SLC10A7: variants seen among roughly 807,000 people sequenced by gnomAD.
SLC10A7 encodes solute carrier family 10 member 7.
A neutral mutation model predicts 43.2 loss-of-function variants in SLC10A7; 29 were observed. The observed-to-expected ratio is 0.67, with a 90% confidence interval of 0.50 to 0.92. The LOEUF is 0.92. Ranked by LOEUF, SLC10A7 falls within the 40% of genes least tolerant of loss-of-function variation. The pLI is 0.00. For synonymous variants in SLC10A7, 152 were observed against 144.8 expected, an observed-to-expected ratio of 1.05 and a Z score of -0.35; for missense variants, 295 against 403.2, an observed-to-expected ratio of 0.73 and a Z score of 2.30.
intron 5 of SLC10A7, among the ~76,000 whole-genome samples, chr4:146,404,526 A>C (rs527574213): frequency 6.9e-6 from 1 of 145,338 alleles, no homozygotes; most frequent in East Asian, 2.0e-4. Context: ...GACTGGTTTA[A>C]GATCTTTGTT....
chr4:146,261,752 T>C (rs1359748182), intron 10 of SLC10A7, among the ~76,000 whole-genome samples: 1 of 152,154 alleles, frequency 6.6e-6, no homozygotes, highest in African/African-American at 2.4e-5. Flanking sequence ...CACAAGTGAA[T>C]AATGTTAAAA....
Position 146,463,261 on chromosome 4 carries a change from T to C in SLC10A7, c.397-20440A>G, listed in dbSNP as rs186545737. On this transcript the variant is annotated intron_variant, in intron 4 of 11. Coordinates refer to ENST00000335472, the MANE Select transcript of SLC10A7 (RefSeq NM_001029998.6). ...TTTATAATATATAGACTAACTTGCA[T>C]TGGGAGGAGAAAAACAAAAGTTGTA... Among the ~76,000 whole-genome samples, 233 of 152,220 alleles carry C rather than the reference T, an allele frequency of 1.5e-3. 7 individuals carry two copies. The South Asian group carries it at 0.046, about 30-fold the overall frequency.
At chr4:146,279,139 T>A (rs1403691210) in intron 10 of SLC10A7, among the ~76,000 whole-genome samples, 1 of 152,126 alleles carries the variant, frequency 6.6e-6, no homozygotes, top group Non-Finnish European at 1.5e-5. Context: ...AAATTTGGAG[T>A]CTTGCCATTG....
chr4:146,256,493 A>G lies in SLC10A7; in HGVS notation c.1021T>C (p.Ter341GlnextTer27). The change falls in exon 12 of 12, where the codon TAA (stop) becomes CAA (glutamine). Residue 341 changes from the stop codon to glutamine, a stop_lost. Transcript: ENST00000335472. ...CTACAGAAAGTCCACCTCCTTTGTT[A>G]TACTGTCGGCCTTGTCAGCTTCACT... The part of the protein sequence containing the change: ...KGVKLTRPTV[*>Q] The G allele has an allele frequency of 6.2e-7, 1 of 1,614,076 alleles. No homozygotes were observed. Among genetic ancestry groups the G allele is most frequent in the Non-Finnish European group, 8.5e-7 (1 of 1,179,928 alleles).
rs190705857 is a variant in SLC10A7 at position 146,444,733 on chromosome 4, T to C, written c.397-1912A>G. 6.6e-4 allele frequency among the ~76,000 whole-genome samples: 100 copies of C among 152,276 alleles called. 1 individual carries two copies. In the East Asian group the frequency reaches 0.018, roughly 28 times the overall value. On this transcript the variant is annotated intron_variant, in intron 4 of 11. Transcript: ENST00000335472. ...CTTAGTTGTTTGCCAACAGTGGTGA[T>C]GGATTTGAACTCACTCAGTCAGCTA...
chr4:146,302,295 T>C (rs973575763), intron 7 of SLC10A7, among the ~76,000 whole-genome samples: 2 of 152,218 alleles, frequency 1.3e-5, no homozygotes, highest in East Asian at 1.9e-4. Flanking sequence ...TATGCCTCTA[T>C]ACAACAAAGC....
chr4:146,292,161 A>T (rs747959828), intron 9 of SLC10A7, among the ~76,000 whole-genome samples: 2 of 152,224 alleles, frequency 1.3e-5, no homozygotes, highest in African/African-American at 4.8e-5. Context: ...TGGAAAATAG[A>T]CTAGAGTACC....
At chr4:146,369,825 TTAATTG>T (rs1207381847) in intron 5 of SLC10A7, among the ~76,000 whole-genome samples, 3 of 152,144 alleles carry the variant, frequency 2.0e-5, no homozygotes, top group Non-Finnish European at 4.4e-5. Flanking sequence ...AGCATAAAAC[TTAATTG>T]TACAGACTGC....
intron 5 of SLC10A7, among the ~76,000 whole-genome samples, chr4:146,405,240 T>C (rs753740194): frequency 3.9e-5 from 6 of 152,180 alleles, no homozygotes; most frequent in Non-Finnish European, 8.8e-5. Context: ...TCTTGGTCCA[T>C]ATTCATCTTA....
intron 5 of SLC10A7, among the ~76,000 whole-genome samples, chr4:146,388,783 A>T (rs1016245521): frequency 2.6e-5 from 4 of 151,716 alleles, no homozygotes; most frequent in Non-Finnish European, 5.9e-5. Flanking sequence ...AAAAAAAAAA[A>T]CCCTAGAAGA....
chr4:146,400,764 C>T (rs562854819), intron 5 of SLC10A7, among the ~76,000 whole-genome samples: 84 of 152,044 alleles, frequency 5.5e-4, no homozygotes, highest in African/African-American at 2.0e-3. Context: ...TGATGACAGA[C>T]GTGAATGAAT....
chr4:146,339,286 A>C lies in SLC10A7; in HGVS notation c.436-13290T>G, dbSNP rs1734093450. Among the ~76,000 whole-genome samples the C allele has an allele frequency of 3.3e-5, 5 of 152,094 alleles. No individual in the cohort carries two copies. In the South Asian group the frequency reaches 1.0e-3, roughly 32 times the overall value. ...GGCATAGCTCATCTATTCCTTTTGG[A>C]CGTGTCTAAATGATGGCACACACTG... On this transcript the variant is annotated intron_variant, in intron 5 of 11. Transcript: ENST00000335472.
chr4:146,438,182 G>C (rs919344505), intron 5 of SLC10A7, among the ~76,000 whole-genome samples: 7 of 151,982 alleles, frequency 4.6e-5, no homozygotes, highest in Non-Finnish European at 1.0e-4. Context: ...CCAAAGCAGA[G>C]AGAAGACAGA....
At chr4:146,516,924 A>T in intron 2 of SLC10A7, 114 bp downstream of exon 2, 1 of 740,622 alleles carries the variant, frequency 1.4e-6, no homozygotes, top group Non-Finnish European at 2.2e-6. Context: ...CTTCTGCTAT[A>T]GTGAATCCTT....
chr4:146,301,756 T>C (rs1427848185), intron 7 of SLC10A7, among the ~76,000 whole-genome samples: 4 of 152,106 alleles, frequency 2.6e-5, no homozygotes, highest in Non-Finnish European at 4.4e-5. Flanking sequence ...GTAAGGCTAA[T>C]TGGTGGTTTC....
intron 10 of SLC10A7, 72 bp from the exon 11 acceptor site, chr4:146,258,909 A>T (rs947203932): frequency 8.0e-6 from 12 of 1,499,598 alleles, no homozygotes; most frequent in Non-Finnish European, 1.1e-5. Context: ...TACTCCATCA[A>T]AATCAGAACT....
At chr4:146,365,880 C>A (rs1378528349) in intron 5 of SLC10A7, among the ~76,000 whole-genome samples, 1 of 152,196 alleles carries the variant, frequency 6.6e-6, no homozygotes, top group Non-Finnish European at 1.5e-5. Context: ...AGGAACCCGG[C>A]CGCACTGCAG....
At chr4:146,481,142 A>G (rs1734437979) in intron 4 of SLC10A7, among the ~76,000 whole-genome samples, 1 of 152,062 alleles carries the variant, frequency 6.6e-6, no homozygotes, top group Non-Finnish European at 1.5e-5. Flanking sequence ...AGAATACAGA[A>G]GCTCCCCGGA....
chr4:146,256,948 A>G, intron 11 of SLC10A7: 1 of 1,501,862 alleles, frequency 6.7e-7, no homozygotes, highest in South Asian at 1.2e-5. Flanking sequence ...TACACAAAGG[A>G]AAAATGAACA....
Sources: gnomAD v4.1 joint callset for allele counts (sites outside exome capture counted in the v4.1 genomes callset) on GRCh38, gnomAD v4.1.1 for gene constraint, MANE v1.5 for transcripts, NCBI Gene and HGNC (gene_info 2026-07-23, HGNC 2026-07-21) for gene names.